Variants in GHRHR observed in about 807,000 individuals in gnomAD.
GHRHR encodes the protein growth hormone releasing hormone receptor, also known as growth hormone-releasing hormone receptor.
A neutral mutation model predicts 58.3 loss-of-function variants in GHRHR; 40 were observed. That is an observed-to-expected ratio of 0.69 (90% CI 0.53 to 0.89). The LOEUF is 0.89. Among genes scored for constraint, GHRHR ranks in the 40% least tolerant of loss-of-function variants. The pLI, the probability that GHRHR is intolerant of heterozygous loss-of-function variation, is 0.00. For missense variants in GHRHR, 551 were observed against 541.3 expected, an observed-to-expected ratio of 1.02 and a Z score of -0.18; for synonymous variants, 249 against 216.6, an observed-to-expected ratio of 1.15 and a Z score of -1.31.
intron 1 of GHRHR, 104 bp downstream of exon 1, chr7:30,964,229 C>A: frequency 2.0e-6 from 2 of 1,012,680 alleles, no homozygotes; most frequent in Non-Finnish European, 3.0e-6. Context: ...CCTTCTCCTG[C>A]TCTAGAGTCC....
Position 30,969,907 on chromosome 7 carries a change from G to T in GHRHR, c.309G>T (p.Glu103Asp). ...ATTGTACTATCACTGGCTGGTCTGAGCCCTTTCCACCTTACCCTGTGGCCT... is the reference window on the plus strand; with the variant it reads ...ATTGTACTATCACTGGCTGGTCTGATCCCTTTCCACCTTACCCTGTGGCCT... The part of the protein sequence containing the change: ...KRDCTITGWS[E>D]PFPPYPVACP... The change falls in exon 4 of 13, where the codon GAG (glutamate) becomes GAT (aspartate). Residue 103 changes from glutamate to aspartate, a missense_variant. By Grantham distance (45) the Glu-to-Asp change is conservative. Coordinates refer to ENST00000326139, the MANE Select transcript of GHRHR (RefSeq NM_000823.4). The T allele has an allele frequency of 6.2e-7, 1 of 1,606,118 alleles. No individual in the cohort carries two copies. Among genetic ancestry groups the T allele is most frequent in the Non-Finnish European group, 8.5e-7 (1 of 1,172,626 alleles).
chr7:30,964,331 ACT>A (rs568714118), intron 1 of GHRHR, among the ~76,000 whole-genome samples: 1 of 152,086 alleles, frequency 6.6e-6, no homozygotes, highest in South Asian at 2.1e-4. Context: ...ATCTGTAGTG[ACT>A]CTGGGTAGTG....
chr7:30,964,982 T>A (rs1180982315), intron 1 of GHRHR, among the ~76,000 whole-genome samples: 1 of 152,180 alleles, frequency 6.6e-6, no homozygotes, highest in Admixed American at 6.5e-5. Context: ...TGCTCCTGAG[T>A]GCACAGGCTT....
At chr7:30,972,456 C>T (rs1792499648) in intron 6 of GHRHR, among the ~76,000 whole-genome samples, 1 of 152,172 alleles carries the variant, frequency 6.6e-6, no homozygotes, top group South Asian at 2.1e-4. Context: ...AGCTGGGTCC[C>T]TCCTTCAGGA....
chr7:30,976,515 T>TG lies in GHRHR; in HGVS notation c.1064dup (p.Ile356HisfsTer31). 1 of 1,613,100 alleles carries TG rather than the reference T, an allele frequency of 6.2e-7. No individual in the cohort carries two copies. Among genetic ancestry groups the TG allele is most frequent in the East Asian group, 2.2e-5 (1 of 44,862 alleles). On this transcript the variant is annotated frameshift_variant, in exon 11 of 13. Coordinates refer to ENST00000326139, the MANE Select transcript of GHRHR (RefSeq NM_000823.4). LOFTEE classifies it high-confidence loss of function. ...AACTTCCTGCCAGACAATGCTGGCC[T>TG]GGGCATCCGCCTCCCCCTGGAGCTG...
Position 30,975,785 on chromosome 7 carries a change from T to C in GHRHR, c.891T>C (p.Phe297=). 1 of 1,606,956 alleles carries C rather than the reference T, an allele frequency of 6.2e-7. No homozygotes were observed. The highest frequency in any genetic ancestry group is 1.7e-4 in the Middle Eastern group (1 of 6,034). Residue 297 remains phenylalanine, a synonymous_variant, in exon 10 of 13, where the codon TTT becomes TTC. Transcript: ENST00000326139. ...TATGCCTCTATTTCCAGGTGAACTT[T>C]GGGCTTTTTCTCAATATTATCCGCA... ...GPIVLSVGVN[F]GLFLNIIRIL...
At chr7:30,967,839 T>G (rs1252261681) in intron 1 of GHRHR, among the ~76,000 whole-genome samples, 3 of 152,240 alleles carry the variant, frequency 2.0e-5, no homozygotes, top group African/African-American at 7.2e-5. Context: ...CCTGCCTGTG[T>G]GCACCCCTAA....
chr7:30,970,714 C>T, intron 4 of GHRHR, among the ~76,000 whole-genome samples: 1 of 152,194 alleles, frequency 6.6e-6, no homozygotes, highest in East Asian at 1.9e-4. Flanking sequence ...TGTGGCTGTC[C>T]CCAGGTGTCC....
At chr7:30,969,822 G>T (rs374386802) in intron 3 of GHRHR, 45 bp from the exon 4 acceptor site, 1 of 1,604,380 alleles carries the variant, frequency 6.2e-7, no homozygotes, top group Non-Finnish European at 8.5e-7. Context: ...CCCCTCCTGG[G>T]GAGAGGGAAG....
chr7:30,977,289 T>C lies in GHRHR; in HGVS notation c.1113T>C (p.Ile371=). 1 of 1,614,094 alleles carries C rather than the reference T, an allele frequency of 6.2e-7. No homozygotes were observed. The highest frequency in any genetic ancestry group is 8.5e-7 in the Non-Finnish European group (1 of 1,179,978). ...ELGLGSFQGF[I]VAILYCFLNQ... ...CTTCTTTGGACCCACAGGGCTTCAT[T>C]GTTGCCATCCTCTACTGCTTCCTCA... The change falls in exon 12 of 13, where the codon ATT becomes ATC. Residue 371 remains isoleucine (I), a synonymous_variant. Transcript: ENST00000326139.
chr7:30,965,976 C>A (rs1052533305), intron 1 of GHRHR, among the ~76,000 whole-genome samples: 1 of 152,190 alleles, frequency 6.6e-6, no homozygotes, highest in African/African-American at 2.4e-5. Context: ...GTCCGGGGCA[C>A]CCACCAAAAT....
At chr7:30,975,928 G>T in intron 10 of GHRHR, 60 bp downstream of exon 10, 1 of 945,600 alleles carries the variant, frequency 1.1e-6, no homozygotes, top group Non-Finnish European at 1.8e-6. Context: ...GATTCAATGT[G>T]TCTGTCTCAT....
chr7:30,972,246 C>A, intron 6 of GHRHR, 151 bp downstream of exon 6: 2 of 742,670 alleles, frequency 2.7e-6, no homozygotes, highest in Non-Finnish European at 4.5e-6. Flanking sequence ...TGCTCCTTTC[C>A]CATGTCACCC....
At chr7:30,964,367 C>G (rs1792297162) in intron 1 of GHRHR, among the ~76,000 whole-genome samples, 1 of 151,232 alleles carries the variant, frequency 6.6e-6, no homozygotes, top group Non-Finnish European at 1.5e-5. Flanking sequence ...CTTCCAGGGG[C>G]TGAGCTGAGC....
Position 30,972,012 on chromosome 7 carries a change from T to TC in GHRHR, c.514_515insC (p.Phe172SerfsTer22). 1 of 1,613,980 alleles carries TC rather than the reference T, an allele frequency of 6.2e-7. No homozygotes were observed. Among genetic ancestry groups the TC allele is most frequent in the Non-Finnish European group, 8.5e-7 (1 of 1,179,942 alleles). On this transcript the variant is annotated frameshift_variant, in exon 6 of 13. Transcript: ENST00000326139. LOFTEE classifies it high-confidence loss of function. ...CGTCCACACCCAGCTGTTCACCACT[T>TC]TTATCCTCAAGGCGGGAGCTGTGTT...
chr7:30,973,438 C>T (rs1562594337), intron 6 of GHRHR, among the ~76,000 whole-genome samples: 1 of 152,168 alleles, frequency 6.6e-6, no homozygotes, highest in Non-Finnish European at 1.5e-5. Context: ...GGCAAGGTCA[C>T]CCAGTGGCAC....
rs567290022 is a variant in GHRHR, at chr7:30,972,073, C to T, written c.575C>T (p.Thr192Ile). The T allele has an allele frequency of 4.3e-6, 7 of 1,614,138 alleles. No individual in the cohort carries two copies. The highest frequency in any genetic ancestry group is 1.7e-5 in the Admixed American group (1 of 60,030). Residue 192 changes from threonine to isoleucine, a missense_variant, in exon 6 of 13, where the codon ACT becomes ATT. Physicochemically the swap from Thr to Ile is moderately conservative, Grantham distance 89. Transcript: ENST00000326139. ...GCTGCCCTTTTCCACAGCGACGACACTGACCACTGCAGCTTCTCCACTGTA... is the reference window on the plus strand; with the variant it reads ...GCTGCCCTTTTCCACAGCGACGACATTGACCACTGCAGCTTCTCCACTGTA... ...KDAALFHSDD[T>I]DHCSFSTVLC...
Position 30,979,360 on chromosome 7 carries a change from GGCAGGT to G in GHRHR, c.*121_*126del. On this transcript the variant is annotated 3_prime_UTR_variant, in exon 13 of 13. Transcript: ENST00000326139. ...CCACCCCAGCTGTTACCCAGCCCGG[GGCAGGT>G]GCAGCCCTTCCTCCCTGTCTCTGCA... is the stretch of plus-strand genomic sequence containing the variant. 9.9e-7 allele frequency: 1 copy of G among 1,005,556 alleles called. No homozygotes were observed. The highest frequency in any genetic ancestry group is 3.0e-4 in the Middle Eastern group (1 of 3,348). 62.3% of individuals were successfully genotyped at this position (1,005,556 alleles called of 1,614,324 possible). A position where few individuals can be genotyped will look rare whatever the true frequency, so the allele number is the denominator to read the frequency against.
intron 1 of GHRHR, among the ~76,000 whole-genome samples, chr7:30,968,349 G>A (rs1167140593): frequency 6.6e-6 from 1 of 152,096 alleles, no homozygotes; most frequent in Non-Finnish European, 1.5e-5. Flanking sequence ...AGGCCCTGAT[G>A]AGAATGGAGT....
Sources: gnomAD v4.1 joint callset for allele counts (sites outside exome capture counted in the v4.1 genomes callset) on GRCh38, gnomAD v4.1.1 for gene constraint, MANE v1.5 for transcripts, NCBI Gene and HGNC (gene_info 2026-07-23, HGNC 2026-07-21) for gene names.